The following TANGO6 variants were observed in gnomAD, a reference collection of about 807,000 sequenced individuals.
TANGO6 encodes transport and golgi organization 6 homolog.
TANGO6 carries 90 observed loss-of-function variants against 114.2 expected under a neutral mutation model. That is an observed-to-expected ratio of 0.79 (90% CI 0.66 to 0.94). The LOEUF (loss-of-function observed/expected upper bound fraction) is 0.94, where lower values mean the gene tolerates loss of function less well. TANGO6 is among the 40% of genes least tolerant of loss of function. The pLI is 0.00. For missense variants in TANGO6, 1,274 were observed against 1,315.3 expected, an observed-to-expected ratio of 0.97 and a Z score of 0.49; for synonymous variants, 477 against 509.8, an observed-to-expected ratio of 0.94 and a Z score of 0.87.
chr16:68,917,058 C>T (rs1963015487), intron 11 of TANGO6, among the ~76,000 whole-genome samples: 1 of 152,146 alleles, frequency 6.6e-6, no homozygotes, highest in Admixed American at 6.6e-5. Flanking sequence ...CTATGCTCCA[C>T]CTGTTCTGTT....
intron 15 of TANGO6, among the ~76,000 whole-genome samples, chr16:68,977,297 A>G (rs1963773897): frequency 6.6e-6 from 1 of 151,014 alleles, no homozygotes; most frequent in African/African-American, 2.4e-5. Context: ...TGAGAGTGAA[A>G]TTTATTTTGT....
chr16:69,044,310 T>C (rs1959816783), intron 17 of TANGO6, among the ~76,000 whole-genome samples: 3 of 152,154 alleles, frequency 2.0e-5, no homozygotes, highest in Admixed American at 2.0e-4. Flanking sequence ...ACTGAGCCAC[T>C]GTGCCTGGCC....
intron 14 of TANGO6, among the ~76,000 whole-genome samples, chr16:68,966,500 T>C (rs758156556): frequency 6.6e-6 from 1 of 151,168 alleles, no homozygotes; most frequent in Non-Finnish European, 1.5e-5. Flanking sequence ...TGAGACTCCA[T>C]CTCAAAAAAA....
At chr16:68,882,419 C>CT (rs1962476045) in intron 7 of TANGO6, among the ~76,000 whole-genome samples, 1 of 151,926 alleles carries the variant, frequency 6.6e-6, no homozygotes, top group Non-Finnish European at 1.5e-5. Context: ...ATGGCGTGAA[C>CT]CTGGAAGGCA....
At chr16:68,861,341 T>G (rs1962089382) in intron 2 of TANGO6, among the ~76,000 whole-genome samples, 1 of 152,248 alleles carries the variant, frequency 6.6e-6, no homozygotes, top group African/African-American at 2.4e-5. Context: ...TTCTCGTTTC[T>G]CTGTCACCCG....
At chr16:69,061,889 G>A (rs931800622) in intron 17 of TANGO6, among the ~76,000 whole-genome samples, 4 of 151,910 alleles carry the variant, frequency 2.6e-5, no homozygotes, top group African/African-American at 9.7e-5. Flanking sequence ...CATGGTGGTG[G>A]GCGCCTATAG....
chr16:68,850,217 C>A (rs2152150215), intron 1 of TANGO6, among the ~76,000 whole-genome samples: 1 of 152,178 alleles, frequency 6.6e-6, no homozygotes, highest in South Asian at 2.1e-4. Flanking sequence ...CGTGATCCAC[C>A]CACGTCAGCC....
chr16:68,908,286 G>A (rs749816006), intron 10 of TANGO6, among the ~76,000 whole-genome samples: 11 of 152,138 alleles, frequency 7.2e-5, no homozygotes, highest in Non-Finnish European at 1.3e-4. Flanking sequence ...TGAAATAGGG[G>A]ACACCACTTT....
At chr16:69,070,896 C>A (rs1253769524) in intron 17 of TANGO6, among the ~76,000 whole-genome samples, 1 of 151,734 alleles carries the variant, frequency 6.6e-6, no homozygotes, top group African/African-American at 2.4e-5. Flanking sequence ...GCCTCAGCCT[C>A]CCAAGTAACT....
intron 15 of TANGO6, among the ~76,000 whole-genome samples, chr16:68,974,828 G>A (rs114257556): frequency 0.034 from 5,239 of 151,932 alleles, 313 homozygotes; most frequent in African/African-American, 0.12. Context: ...TAATCTCAGC[G>A]CTTTGGGAGG....
chr16:69,041,160 T>C (rs974896642), intron 17 of TANGO6, among the ~76,000 whole-genome samples: 1 of 152,016 alleles, frequency 6.6e-6, no homozygotes, highest in Non-Finnish European at 1.5e-5. Flanking sequence ...AAAGTGACTG[T>C]TTTAGGCCAG....
chr16:69,080,896 T>C (rs1960454796), intron 17 of TANGO6, among the ~76,000 whole-genome samples: 1 of 152,124 alleles, frequency 6.6e-6, no homozygotes. Context: ...CCCAGCACTT[T>C]GGGAGGCCGA....
chr16:68,849,887 T>G (rs915891752), intron 1 of TANGO6, among the ~76,000 whole-genome samples: 11 of 152,234 alleles, frequency 7.2e-5, no homozygotes, highest in Non-Finnish European at 1.3e-4. Context: ...TGAAGAACTT[T>G]TACAGTGAAA....
At chr16:68,940,928 C>A (rs984934584) in intron 14 of TANGO6, among the ~76,000 whole-genome samples, 1 of 152,116 alleles carries the variant, frequency 6.6e-6, no homozygotes, top group Non-Finnish European at 1.5e-5. Context: ...GGCTGGGAAG[C>A]CAAACGAAGG....
chr16:68,916,509 C>T (rs903071977), intron 11 of TANGO6, among the ~76,000 whole-genome samples: 2 of 151,590 alleles, frequency 1.3e-5, no homozygotes, highest in Admixed American at 6.6e-5. Flanking sequence ...TCCATGAAAC[C>T]GGTCCCTGGT....
chr16:68,916,705 G>C (rs991470364), intron 11 of TANGO6, among the ~76,000 whole-genome samples: 6 of 152,126 alleles, frequency 3.9e-5, no homozygotes, highest in East Asian at 1.9e-4. Context: ...AGCAGATCCA[G>C]GACCCTCTGA....
At chr16:68,969,878 T>C (rs1963685641) in intron 14 of TANGO6, among the ~76,000 whole-genome samples, 1 of 152,160 alleles carries the variant, frequency 6.6e-6, no homozygotes, top group Non-Finnish European at 1.5e-5. Flanking sequence ...TCTCTTCTTC[T>C]TCTTCTCCCT....
intron 11 of TANGO6, among the ~76,000 whole-genome samples, chr16:68,914,962 CA>C (rs1962978778): frequency 1.2e-5 from 1 of 86,240 alleles, no homozygotes; most frequent in Non-Finnish European, 2.5e-5. Flanking sequence ...GATATCTACA[CA>C]CACACACACA....
chr16:68,998,126 A>G (rs910557864), intron 15 of TANGO6, among the ~76,000 whole-genome samples: 3 of 152,232 alleles, frequency 2.0e-5, no homozygotes, highest in African/African-American at 7.2e-5. Flanking sequence ...AATAAGTGAA[A>G]TTATCTCAAG....
Sources: gnomAD v4.1 joint callset for allele counts (sites outside exome capture counted in the v4.1 genomes callset) on GRCh38, gnomAD v4.1.1 for gene constraint, MANE v1.5 for transcripts, NCBI Gene and HGNC (gene_info 2026-07-23, HGNC 2026-07-21) for gene names.